IFTAP: variants seen among roughly 807,000 people sequenced by gnomAD.
IFTAP encodes the protein intraflagellar transport associated protein, also known as intraflagellar transport-associated protein.
Under a neutral mutation model 19.4 loss-of-function variants are expected in IFTAP, and 19 were observed. The observed-to-expected ratio is 0.98, with a 90% CI of 0.68 to 1.44. The LOEUF is 1.44. IFTAP is among the 40% of genes most tolerant of loss of function. The pLI, the probability that IFTAP is intolerant of heterozygous loss-of-function variation, is 0.00. For synonymous variants in IFTAP, 85 were observed against 83.5 expected, an observed-to-expected ratio of 1.02 and a Z score of -0.10; for missense variants, 240 against 253.6, an observed-to-expected ratio of 0.95 and a Z score of 0.36.
At chr11:36,607,473 AT>A (rs1292270566) in intron 1 of IFTAP, among the ~76,000 whole-genome samples, 1 of 152,156 alleles carries the variant, frequency 6.6e-6, no homozygotes, top group Non-Finnish European at 1.5e-5. Context: ...ATGCAAGCAT[AT>A]TGGTATTTCT....
chr11:36,639,181 T>C (rs2133476113), intron 4 of IFTAP, among the ~76,000 whole-genome samples: 1 of 152,298 alleles, frequency 6.6e-6, no homozygotes, highest in Non-Finnish European at 1.5e-5. Context: ...TTTCTGTTCA[T>C]CTTTATTTTT....
At chr11:36,639,112 A>C (rs1372903212) in intron 4 of IFTAP, among the ~76,000 whole-genome samples, 2 of 152,196 alleles carry the variant, frequency 1.3e-5, no homozygotes, top group Admixed American at 1.3e-4. Context: ...TTTACCCAGC[A>C]CAATTATTGT....
chr11:36,638,976 C>G lies in IFTAP; in HGVS notation c.358+2859C>G, dbSNP rs537887410. ...GTATTAAGCAGTTTTCTGAGGGTAG[C>G]GTCTGCCACAGAGTTTGGTGCACTG... On this transcript the variant is annotated intron_variant, in intron 4 of 5. Coordinates refer to ENST00000334307, the MANE Select transcript of IFTAP (RefSeq NM_138787.4). Among the ~76,000 whole-genome samples, 4 of 152,286 alleles carry G rather than the reference C, an allele frequency of 2.6e-5. No individual in the cohort carries two copies. The South Asian group carries it at 8.3e-4, about 32-fold the overall frequency.
chr11:36,621,080 T>G (rs1386213860), intron 2 of IFTAP, among the ~76,000 whole-genome samples: 2 of 151,942 alleles, frequency 1.3e-5, no homozygotes, highest in African/African-American at 4.8e-5. Flanking sequence ...AGTGGGTGCA[T>G]ATTTGTTTTA....
chr11:36,615,714 C>G (rs1239069414), intron 2 of IFTAP, among the ~76,000 whole-genome samples: 3 of 140,052 alleles, frequency 2.1e-5, no homozygotes, highest in South Asian at 2.5e-4. Flanking sequence ...TGATTTGGCT[C>G]TCTGTCTGTT....
At chr11:36,606,385 C>T (rs1475375561) in intron 1 of IFTAP, among the ~76,000 whole-genome samples, 1 of 152,130 alleles carries the variant, frequency 6.6e-6, no homozygotes, top group Non-Finnish European at 1.5e-5. Flanking sequence ...ATTGCTTAAA[C>T]CTGGGAGGCA....
At position 36,647,907 on chromosome 11, in the gene IFTAP, A is replaced by G. The variant is rs182855307; in HGVS notation, c.359-109A>G. ...GACAGGCATTGTGAAATGGATCTAC[A>G]TTACATGAGCATATTTGCTTCATTT... On this transcript the variant is annotated intron_variant, in intron 4 of 5. Coordinates refer to ENST00000334307, the MANE Select transcript of IFTAP (RefSeq NM_138787.4). 1.2e-3 allele frequency: 1,548 copies of G among 1,314,078 alleles called. 1 individual carries two copies. The highest frequency in any genetic ancestry group is 2.6e-3 in the Middle Eastern group (10 of 3,778). 81.4% of individuals were successfully genotyped at this position (1,314,078 alleles called of 1,614,324 possible).
At chr11:36,623,311 AT>A (rs1193448852) in intron 2 of IFTAP, among the ~76,000 whole-genome samples, 6 of 148,162 alleles carry the variant, frequency 4.0e-5, no homozygotes, top group Non-Finnish European at 8.9e-5. Context: ...TATATATTAT[AT>A]TTTTTTATGA....
chr11:36,596,926 G>T (rs1019367743), intron 1 of IFTAP, among the ~76,000 whole-genome samples: 2 of 152,156 alleles, frequency 1.3e-5, no homozygotes, highest in African/African-American at 4.8e-5. Context: ...GTCCATTTTT[G>T]TAGCTTAGTC....
intron 2 of IFTAP, among the ~76,000 whole-genome samples, chr11:36,617,499 C>G (rs150511550): frequency 1.3e-5 from 2 of 151,928 alleles, no homozygotes; most frequent in Admixed American, 6.6e-5. Context: ...TTTATATTCT[C>G]AAGGCTCTGT....
intron 4 of IFTAP, among the ~76,000 whole-genome samples, chr11:36,637,885 C>CTTTT (rs11322653): frequency 2.1e-5 from 3 of 145,816 alleles, no homozygotes; most frequent in African/African-American, 7.6e-5. Flanking sequence ...TTATGTCAAT[C>CTTTT]TTTTTTTTTT....
At chr11:36,629,748 G>A (rs1852657648) in intron 2 of IFTAP, among the ~76,000 whole-genome samples, 1 of 151,114 alleles carries the variant, frequency 6.6e-6, no homozygotes, top group Non-Finnish European at 1.5e-5. Flanking sequence ...CTATAGGTGT[G>A]GTGGGGGCCT....
intron 4 of IFTAP, among the ~76,000 whole-genome samples, chr11:36,644,326 G>A (rs1243113935): frequency 6.6e-6 from 1 of 152,042 alleles, no homozygotes; most frequent in Non-Finnish European, 1.5e-5. Flanking sequence ...TTAGAATGGT[G>A]ATCATTAAAA....
intron 2 of IFTAP, among the ~76,000 whole-genome samples, chr11:36,611,006 G>GT (rs1253730051): frequency 1.3e-5 from 2 of 151,770 alleles, no homozygotes; most frequent in East Asian, 1.9e-4. Context: ...CTTGATTTGT[G>GT]TTTTTTTTGG....
intron 2 of IFTAP, among the ~76,000 whole-genome samples, chr11:36,629,840 C>T (rs772916598): frequency 2.6e-5 from 4 of 151,036 alleles, no homozygotes; most frequent in South Asian, 2.1e-4. Context: ...AATGAAACCT[C>T]GAAAAACCTT....
intron 1 of IFTAP, among the ~76,000 whole-genome samples, chr11:36,609,750 T>C (rs1375901955): frequency 6.6e-6 from 1 of 152,196 alleles, no homozygotes; most frequent in African/African-American, 2.4e-5. Context: ...GTTAGTTGAG[T>C]ACTCTTTAAA....
chr11:36,609,990 C>A lies in IFTAP; in HGVS notation c.-23-91C>A, dbSNP rs1045480980. Reference sequence around the variant, plus strand: ...AACTATCTTGATCTTTGTTTTGGAGCCTTGGAATTTTTCAACCTACCCATC... The same window carrying A: ...AACTATCTTGATCTTTGTTTTGGAGACTTGGAATTTTTCAACCTACCCATC... On this transcript the variant is annotated intron_variant, in intron 1 of 5. Coordinates refer to ENST00000334307, the MANE Select transcript of IFTAP (RefSeq NM_138787.4). 104 of 1,152,020 alleles carry A rather than the reference C, an allele frequency of 9.0e-5. No homozygotes were observed. In the Admixed American group the frequency reaches 2.3e-3, roughly 26 times the overall value. The allele number at this position is 1,152,020 out of a possible 1,614,324, so 71.4% of individuals were successfully genotyped here. A position where few individuals can be genotyped will look rare whatever the true frequency, so the allele number is the denominator to read the frequency against.
At chr11:36,619,536 T>C (rs1852220813) in intron 2 of IFTAP, among the ~76,000 whole-genome samples, 5 of 152,072 alleles carry the variant, frequency 3.3e-5, no homozygotes. Context: ...AAAAACAGCT[T>C]TCTCTCATAA....
intron 5 of IFTAP, among the ~76,000 whole-genome samples, chr11:36,648,792 G>T (rs1009641398): frequency 6.6e-6 from 1 of 152,126 alleles, no homozygotes; most frequent in Non-Finnish European, 1.5e-5. Context: ...CAAGGCTTAG[G>T]ACTCAGGGTC....
Sources: allele counts gnomAD v4.1 joint callset (sites outside exome capture counted in the v4.1 genomes callset), GRCh38; gene constraint gnomAD v4.1.1; transcripts MANE v1.5; gene names NCBI Gene and HGNC (gene_info 2026-07-23, HGNC 2026-07-21).